The following KIAA1217 variants were observed in gnomAD, a reference collection of about 807,000 sequenced individuals.
The protein encoded by KIAA1217 is sickle tail protein homolog.
Under a neutral mutation model 163.9 loss-of-function variants are expected in KIAA1217, and 88 were observed. That is an observed-to-expected ratio of 0.54 (90% CI 0.45 to 0.64). The LOEUF is 0.64. Ranked by LOEUF, KIAA1217 falls within the 30% of genes least tolerant of loss-of-function variation. The probability of loss-of-function intolerance (pLI) is 0.00; values close to 1 mark genes in which losing one functional copy is unlikely to be tolerated. For missense variants in KIAA1217, 2,372 were observed against 2,475.0 expected, an observed-to-expected ratio of 0.96 and a Z score of 0.88; for synonymous variants, 903 against 923.1, an observed-to-expected ratio of 0.98 and a Z score of 0.39.
intron 4 of KIAA1217, among the ~76,000 whole-genome samples, chr10:24,435,828 T>C (rs1452955615): frequency 6.6e-6 from 1 of 152,078 alleles, no homozygotes; most frequent in Non-Finnish European, 1.5e-5. Flanking sequence ...AAAATGATGA[T>C]CTTGTTGATC....
intron 1 of KIAA1217, among the ~76,000 whole-genome samples, chr10:23,907,061 T>A (rs531147383): frequency 6.6e-6 from 1 of 152,152 alleles, no homozygotes; most frequent in African/African-American, 2.4e-5. Flanking sequence ...ATTTATGGAT[T>A]TCTATATATA....
intron 1 of KIAA1217, among the ~76,000 whole-genome samples, chr10:23,791,599 A>G (rs1835953174): frequency 6.6e-6 from 1 of 152,212 alleles, no homozygotes; most frequent in African/African-American, 2.4e-5. Context: ...ATTGCTTTAT[A>G]GTTTAAGTAC....
intron 5 of KIAA1217, among the ~76,000 whole-genome samples, chr10:24,442,549 A>G (rs1317191706): frequency 6.6e-6 from 1 of 152,104 alleles, no homozygotes; most frequent in Non-Finnish European, 1.5e-5. Flanking sequence ...GTGGTTTCCA[A>G]TGCATTCTGT....
At chr10:24,529,316 G>T (rs1452866694) in intron 14 of KIAA1217, among the ~76,000 whole-genome samples, 2 of 152,032 alleles carry the variant, frequency 1.3e-5, no homozygotes, top group African/African-American at 2.4e-5. Context: ...TACTTTACGG[G>T]CCAGAACACT....
At chr10:23,845,155 G>A (rs1250022069) in intron 1 of KIAA1217, among the ~76,000 whole-genome samples, 1 of 152,142 alleles carries the variant, frequency 6.6e-6, no homozygotes, top group Non-Finnish European at 1.5e-5. Context: ...CATTTGGGTT[G>A]GTTCCAAGTC....
intron 1 of KIAA1217, among the ~76,000 whole-genome samples, chr10:23,725,185 A>G (rs1838069489): frequency 6.6e-6 from 1 of 152,196 alleles, no homozygotes; most frequent in Non-Finnish European, 1.5e-5. Context: ...TGCCTTCAGC[A>G]CCCTGGTATA....
rs71397924 is a variant in KIAA1217, at chr10:23,926,726, A to AAAATAAATAAATAAATAAATAAAT, written c.-320-80487_-320-80464dup. On this transcript the variant is annotated intron_variant, in intron 1 of 18. Coordinates refer to the KIAA1217 transcript ENST00000376462. The stretch of plus-strand genomic sequence containing the variant: ...GGTGACAGAGCAAGATTCTGTCTCA[A>AAAATAAATAAATAAATAAATAAAT]AAATAAATAAATAAATAAATAAATA... Among the ~76,000 whole-genome samples, 168 of 143,970 alleles carry AAAATAAATAAATAAATAAATAAAT rather than the reference A, an allele frequency of 1.2e-3. 2 individuals carry two copies. Among genetic ancestry groups the AAAATAAATAAATAAATAAATAAAT allele is most frequent in the African/African-American group, 8.8e-4 (33 of 37,564 alleles). The allele number at this position is 143,970 out of a possible 152,430, so 94.4% of individuals were successfully genotyped here. A position where few individuals can be genotyped will look rare whatever the true frequency, so the allele number is the denominator to read the frequency against.
intron 1 of KIAA1217, among the ~76,000 whole-genome samples, chr10:23,770,042 A>G (rs551773574): frequency 6.6e-6 from 1 of 152,218 alleles, no homozygotes; most frequent in Non-Finnish European, 1.5e-5. Flanking sequence ...TAATCAACCA[A>G]TGTTTCACTT....
intron 2 of KIAA1217, among the ~76,000 whole-genome samples, chr10:24,198,945 G>A (rs1589868369): frequency 6.6e-6 from 1 of 152,332 alleles, no homozygotes; most frequent in East Asian, 1.9e-4. Context: ...CAAGCCAGGT[G>A]TGGTGGCTCA....
At chr10:24,002,743 AC>A (rs1015931910) in intron 1 of KIAA1217, among the ~76,000 whole-genome samples, 1 of 152,040 alleles carries the variant, frequency 6.6e-6, no homozygotes, top group African/African-American at 2.4e-5. Context: ...ATTTTGGTGC[AC>A]CTGTCACTCA....
At chr10:24,493,031 A>G (rs922384830) in intron 6 of KIAA1217, among the ~76,000 whole-genome samples, 2 of 152,126 alleles carry the variant, frequency 1.3e-5, no homozygotes, top group African/African-American at 4.8e-5. Flanking sequence ...TTTATAGTAG[A>G]GACGGGGTTT....
intron 1 of KIAA1217, among the ~76,000 whole-genome samples, chr10:23,818,796 A>G (rs536421996): frequency 6.6e-6 from 1 of 152,286 alleles, no homozygotes; most frequent in South Asian, 2.1e-4. Context: ...TCTTGAAGAA[A>G]TCACAGCTCT....
chr10:24,030,317 A>G (rs1399825085), intron 2 of KIAA1217, among the ~76,000 whole-genome samples: 1 of 152,068 alleles, frequency 6.6e-6, no homozygotes, highest in African/African-American at 2.4e-5. Flanking sequence ...TGACTGGATC[A>G]TGGGGGTGGT....
intron 3 of KIAA1217, among the ~76,000 whole-genome samples, chr10:24,396,240 G>T (rs2055730081): frequency 6.6e-6 from 1 of 152,106 alleles, no homozygotes; most frequent in Non-Finnish European, 1.5e-5. Flanking sequence ...GGGAGGCTGT[G>T]GCAGGAGAAT....
intron 1 of KIAA1217, among the ~76,000 whole-genome samples, chr10:23,766,575 TTTTC>T (rs1173804858): frequency 3.3e-5 from 5 of 150,746 alleles, no homozygotes; most frequent in East Asian, 3.9e-4. Flanking sequence ...TTTCTTTTTT[TTTTC>T]TTTCTTTCTT....
chr10:23,780,127 G>T (rs978632323), intron 1 of KIAA1217, among the ~76,000 whole-genome samples: 1 of 152,162 alleles, frequency 6.6e-6, no homozygotes, highest in Non-Finnish European at 1.5e-5. Flanking sequence ...CCTCACTTAC[G>T]TAACCAAGTT....
intron 1 of KIAA1217, among the ~76,000 whole-genome samples, chr10:23,700,705 C>T (rs905104016): frequency 2.0e-5 from 3 of 152,204 alleles, no homozygotes; most frequent in African/African-American, 7.2e-5. Flanking sequence ...ACCTGCTTGA[C>T]TTCTCCACTT....
At chr10:24,239,244 A>G (rs959620746) in intron 2 of KIAA1217, 33 of 985,312 alleles carry the variant, frequency 3.3e-5, no homozygotes, top group Non-Finnish European at 4.0e-5. Flanking sequence ...ACAGCTCCGA[A>G]GGAAGACCCT....
At chr10:24,221,715 A>G (rs2069679400) in intron 2 of KIAA1217, among the ~76,000 whole-genome samples, 1 of 152,228 alleles carries the variant, frequency 6.6e-6, no homozygotes, top group African/African-American at 2.4e-5. Context: ...TGCTATAAGG[A>G]TGGGCTAATG....
Sources: allele counts gnomAD v4.1 joint callset (sites outside exome capture counted in the v4.1 genomes callset), GRCh38; gene constraint gnomAD v4.1.1; transcripts MANE v1.5; gene names NCBI Gene and HGNC (gene_info 2026-07-23, HGNC 2026-07-21).